The following SNX6 variants were observed in gnomAD, a reference collection of about 807,000 sequenced individuals.
SNX6 encodes sorting nexin-6.
In SNX6, 34 loss-of-function variants were observed where a neutral mutation model predicts 63.0. The ratio of observed to expected loss-of-function variants is 0.54; its 90% CI spans 0.41 to 0.72. SNX6 has a LOEUF of 0.72. SNX6 is among the 30% of genes least tolerant of loss of function. The probability of loss-of-function intolerance (pLI) is 0.00; values close to 1 mark genes in which losing one functional copy is unlikely to be tolerated. For missense variants in SNX6, 398 were observed against 471.4 expected (o/e 0.84, Z 1.44); for synonymous variants, 170 against 164.2 (o/e 1.04, Z -0.27).
In SNX6 at chr14:34,630,107, C is replaced by A. The variant is rs1192087734; in HGVS notation, c.6+4G>T. 4.9e-6 allele frequency: 7 copies of A among 1,440,616 alleles called. No individual in the cohort carries two copies. The highest frequency in any genetic ancestry group is 4.5e-6 in the Non-Finnish European group (5 of 1,108,108). 89.2% of individuals were successfully genotyped at this position (1,440,616 alleles called of 1,614,324 possible). On this transcript the variant is annotated splice_donor_region_variant and intron_variant, in intron 1 of 13. Transcript: ENST00000362031. ...CGGGACTCGGCGCCGCGGAGAACACCCACCATCATGGCTGCTCCGAGGCGA... is the reference window on the plus strand; with the variant it reads ...CGGGACTCGGCGCCGCGGAGAACACACACCATCATGGCTGCTCCGAGGCGA...
chr14:34,619,194 T>C (rs1460597549), intron 2 of SNX6, among the ~76,000 whole-genome samples: 3 of 152,106 alleles, frequency 2.0e-5, no homozygotes, highest in African/African-American at 4.8e-5. Context: ...GAGGCCAAGG[T>C]GGGCAGATCA....
At chr14:34,583,505 T>C (rs1882028304) in intron 9 of SNX6, among the ~76,000 whole-genome samples, 2 of 151,060 alleles carry the variant, frequency 1.3e-5, no homozygotes, top group Admixed American at 1.3e-4. Context: ...TGGTCCCAGC[T>C]ACCCAGGAGG....
intron 2 of SNX6, among the ~76,000 whole-genome samples, chr14:34,612,078 C>T (rs114364095): frequency 0.018 from 2,717 of 152,220 alleles, 73 homozygotes; most frequent in African/African-American, 0.061. Flanking sequence ...CGTGTCCAGC[C>T]TCCTTTTTTT....
chr14:34,609,480 CAAAAAAAAAA>C (rs398024759), intron 3 of SNX6, among the ~76,000 whole-genome samples, 148 bp downstream of exon 3: 2 of 65,028 alleles, frequency 3.1e-5, no homozygotes, highest in African/African-American at 1.5e-4. Flanking sequence ...GACTCCGTCT[CAAAAAAAAAA>C]AAAAAAAAAA....
intron 2 of SNX6, among the ~76,000 whole-genome samples, chr14:34,618,477 A>T (rs527921791): frequency 1.3e-5 from 2 of 152,248 alleles, no homozygotes; most frequent in South Asian, 4.2e-4. Flanking sequence ...CAGCCTCCCT[A>T]GTAGCTGGAA....
intron 13 of SNX6, among the ~76,000 whole-genome samples, chr14:34,565,498 C>T (rs555094880): frequency 8.5e-5 from 13 of 152,192 alleles, no homozygotes; most frequent in Admixed American, 1.3e-4. Context: ...TACAGCAAAA[C>T]TTTTGGTAGT....
At chr14:34,592,051 C>T (rs1205767314) in intron 8 of SNX6, among the ~76,000 whole-genome samples, 1 of 152,174 alleles carries the variant, frequency 6.6e-6, no homozygotes, top group African/African-American at 2.4e-5. Flanking sequence ...TCAATTTTTA[C>T]TGTTTCATCA....
At chr14:34,591,672 A>G (rs1182682463) in intron 8 of SNX6, among the ~76,000 whole-genome samples, 1 of 152,208 alleles carries the variant, frequency 6.6e-6, no homozygotes. Context: ...AAGTAAGCTC[A>G]TGGTCAGAGA....
chr14:34,604,536 G>C (rs1042384844), intron 5 of SNX6, among the ~76,000 whole-genome samples: 1 of 152,014 alleles, frequency 6.6e-6, no homozygotes, highest in Non-Finnish European at 1.5e-5. Context: ...ATGCATGAAG[G>C]GGAGAAATGA....
At chr14:34,616,943 C>T (rs541597642) in intron 2 of SNX6, among the ~76,000 whole-genome samples, 1 of 151,870 alleles carries the variant, frequency 6.6e-6, no homozygotes, top group East Asian at 1.9e-4. Flanking sequence ...ATTAGCTGGG[C>T]GTGGTGTGGG....
At chr14:34,582,029 A>G (rs576900536) in intron 9 of SNX6, among the ~76,000 whole-genome samples, 11 of 150,816 alleles carry the variant, frequency 7.3e-5, no homozygotes, top group Admixed American at 3.3e-4. Flanking sequence ...GGGTTTTACC[A>G]TGTTGGCCAG....
At chr14:34,608,561 T>C (rs1883106990) in intron 3 of SNX6, among the ~76,000 whole-genome samples, 1 of 152,196 alleles carries the variant, frequency 6.6e-6, no homozygotes, top group South Asian at 2.1e-4. Flanking sequence ...CTCTGAGCTA[T>C]ATGGACAAGA....
chr14:34,626,590 A>ACCCAGGAGG (rs1295074848), intron 2 of SNX6, among the ~76,000 whole-genome samples: 1 of 149,816 alleles, frequency 6.7e-6, no homozygotes, highest in Non-Finnish European at 1.5e-5. Flanking sequence ...CATAGCATGA[A>ACCCAGGAGG]CCCAGGAGGC....
chr14:34,603,071 A>G (rs1882886046), intron 6 of SNX6, among the ~76,000 whole-genome samples: 2 of 151,674 alleles, frequency 1.3e-5, no homozygotes, highest in South Asian at 2.1e-4. Context: ...AGGTCAGGAG[A>G]TCGAGACCAT....
Position 34,586,278 on chromosome 14 carries a change from C to A in SNX6, c.746G>T (p.Gly249Val). ...KSAADDYNRI[G>V]SSLYALGTQD... is the part of the protein sequence containing the mutation. Reference sequence around the variant, plus strand: ...AGTTCCTAAAGCATATAATGAAGAACCAATTCTATTGTAATCATCTGCAGC... The same window carrying A: ...AGTTCCTAAAGCATATAATGAAGAAACAATTCTATTGTAATCATCTGCAGC... The change falls in exon 9 of 14, where the codon GGT (glycine) becomes GTT (valine). Residue 249 changes from glycine (G) to valine (V), a missense_variant. Physicochemically the swap from Gly to Val is moderately radical, Grantham distance 109. Coordinates refer to ENST00000362031, the MANE Select transcript of SNX6 (RefSeq NM_152233.4). 1 of 1,605,968 alleles carries A rather than the reference C, an allele frequency of 6.2e-7. No individual in the cohort carries two copies.
rs761810473 is a variant in SNX6 at position 34,593,179 on chromosome 14, T to C, written c.613-29A>G. 14 of 1,394,288 alleles carry C rather than the reference T, an allele frequency of 1.0e-5. No individual in the cohort carries two copies. The East Asian group carries it at 2.6e-4, about 26-fold the overall frequency. 86.4% of individuals were successfully genotyped at this position (1,394,288 alleles called of 1,614,324 possible). ...TAAGATCAAAAGAAAATATAAACTT[T>C]TTTCACTTATTTGCTTTAGTTTTAT... On this transcript the variant is annotated intron_variant, in intron 7 of 13. Transcript: ENST00000362031.
intron 13 of SNX6, among the ~76,000 whole-genome samples, chr14:34,565,310 C>T (rs1402019921): frequency 6.6e-6 from 1 of 151,926 alleles, no homozygotes; most frequent in South Asian, 2.1e-4. Context: ...ATCTCCTGAC[C>T]TCGTGATCTG....
chr14:34,564,720 G>C (rs10047864), intron 13 of SNX6, among the ~76,000 whole-genome samples: 3,684 of 151,620 alleles, frequency 0.024, 164 homozygotes, highest in African/African-American at 0.086. Context: ...CCAGCTATTC[G>C]AGAGGCTGAG....
At chr14:34,604,935 TTTC>T (rs1460691571) in intron 5 of SNX6, among the ~76,000 whole-genome samples, 1 of 152,140 alleles carries the variant, frequency 6.6e-6, no homozygotes, top group African/African-American at 2.4e-5. Context: ...ATAATTTCCC[TTTC>T]TTCTTTTCTC....
Sources: gnomAD v4.1 joint callset for allele counts (sites outside exome capture counted in the v4.1 genomes callset) on GRCh38, gnomAD v4.1.1 for gene constraint, MANE v1.5 for transcripts, NCBI Gene and HGNC (gene_info 2026-07-23, HGNC 2026-07-21) for gene names.